PDZD2: variants seen among roughly 807,000 people sequenced by gnomAD.
The protein encoded by PDZD2 is PDZ domain-containing protein 2.
Under a neutral mutation model 220.7 loss-of-function variants are expected in PDZD2, and 90 were observed. That is an observed-to-expected ratio of 0.41 (90% CI 0.34 to 0.49). The LOEUF (loss-of-function observed/expected upper bound fraction) is 0.49. Ranked by LOEUF, PDZD2 falls within the 20% of genes least tolerant of loss-of-function variation. The pLI is 0.28. For synonymous variants in PDZD2, 1,375 were observed against 1,450.5 expected (o/e 0.95, Z 1.18); for missense variants, 3,174 against 3,608.5 (o/e 0.88, Z 3.08).
intron 2 of PDZD2, among the ~76,000 whole-genome samples, chr5:31,831,345 G>A (rs574597256): frequency 6.6e-6 from 1 of 152,256 alleles, no homozygotes; most frequent in Non-Finnish European, 1.5e-5. Context: ...GCCGGGTGCA[G>A]TGGTTCACAC....
intron 3 of PDZD2, 30 bp downstream of exon 3, chr5:31,983,686 A>C: frequency 6.3e-7 from 1 of 1,585,972 alleles, no homozygotes; most frequent in East Asian, 2.2e-5. Flanking sequence ...TGGAACCAGA[A>C]TTTTATTTAT....
chr5:32,088,079 C>G lies in PDZD2; in HGVS notation c.4631C>G (p.Thr1544Arg). The G allele has an allele frequency of 1.2e-6, 2 of 1,613,876 alleles. No individual in the cohort carries two copies. Among genetic ancestry groups the G allele is most frequent in the Non-Finnish European group, 1.7e-6 (2 of 1,179,732 alleles). ...STSLSGLGDS[T>R]EPSLSSMYGD... ...TCCCTATCAGGCCTGGGTGACAGCA[C>G]GGAGCCGTCTCTGTCATCCATGTAT... Residue 1544 changes from threonine to arginine, a missense_variant, in exon 20 of 25, where the codon ACG (threonine) becomes AGG (arginine). Physicochemically the swap from Thr to Arg is moderately conservative, Grantham distance 71. Coordinates refer to ENST00000438447, the MANE Select transcript of PDZD2 (RefSeq NM_178140.4). This position sits in a 1 kb window ranked among gnomAD's most constrained non-coding sequence, Gnocchi z 4.6.
intron 1 of PDZD2, among the ~76,000 whole-genome samples, chr5:31,778,328 C>T (rs939363840): frequency 3.9e-5 from 6 of 152,170 alleles, no homozygotes; most frequent in Non-Finnish European, 8.8e-5. Context: ...CTCGGGTCCC[C>T]TTCCACACTG....
chr5:32,021,856 G>A (rs2112141185), intron 6 of PDZD2, among the ~76,000 whole-genome samples: 1 of 152,238 alleles, frequency 6.6e-6, no homozygotes, highest in East Asian at 1.9e-4. Flanking sequence ...AAAAAAGGTG[G>A]CCTTTGTGTC....
intron 1 of PDZD2, among the ~76,000 whole-genome samples, chr5:31,671,243 T>C (rs532076445): frequency 5.3e-4 from 81 of 152,288 alleles, no homozygotes; most frequent in African/African-American, 1.9e-3. Context: ...CAAAAAGAGA[T>C]GATGATTTCA....
intron 7 of PDZD2, among the ~76,000 whole-genome samples, chr5:32,041,371 A>G: frequency 6.6e-6 from 1 of 152,128 alleles, no homozygotes; most frequent in East Asian, 1.9e-4. Context: ...AGAACGGGCC[A>G]TGATGACGAT....
At position 32,091,007 on chromosome 5, in the gene PDZD2, G is replaced by C; in HGVS notation, c.7559G>C (p.Arg2520Thr). The change falls in exon 20 of 25, where the codon AGG (arginine) becomes ACG (threonine). Residue 2520 changes from arginine to threonine, a missense_variant. Coordinates refer to ENST00000438447, the MANE Select transcript of PDZD2 (RefSeq NM_178140.4). ...FKTELEITPRRSPGPPAGGVS... is the reference protein window; with the variant it reads ...FKTELEITPRTSPGPPAGGVS... The stretch of plus-strand genomic sequence containing the variant: ...ACTGAGCTGGAGATCACCCCCAGGA[G>C]GTCACCTGGCCCTCCTGCTGGAGGC... 6.2e-7 allele frequency: 1 copy of C among 1,613,938 alleles called. No homozygotes were observed. Among genetic ancestry groups the C allele is most frequent in the Non-Finnish European group, 8.5e-7 (1 of 1,179,960 alleles).
intron 1 of PDZD2, among the ~76,000 whole-genome samples, chr5:31,731,476 C>T (rs1413835122): frequency 6.6e-6 from 1 of 152,180 alleles, no homozygotes; most frequent in Non-Finnish European, 1.5e-5. Flanking sequence ...CGGTCACTCG[C>T]TATTGGCCCC....
chr5:32,107,953 G>A lies in PDZD2; in HGVS notation c.8354-16G>A. 1.3e-6 allele frequency: 2 copies of A among 1,597,308 alleles called. No individual in the cohort carries two copies. The highest frequency in any genetic ancestry group is 1.3e-5 in the African/African-American group (1 of 74,548). On this transcript the variant is annotated splice_polypyrimidine_tract_variant and intron_variant, in intron 24 of 24. Transcript: ENST00000438447. ...AAACTGCCAAGCTATTAATTATTCTGTGTTTATTCTCGTAGGTGGTGCGGC... is the reference window on the plus strand; with the variant it reads ...AAACTGCCAAGCTATTAATTATTCTATGTTTATTCTCGTAGGTGGTGCGGC...
intron 19 of PDZD2, among the ~76,000 whole-genome samples, chr5:32,079,948 T>C (rs1204640040): frequency 6.6e-6 from 1 of 152,222 alleles, no homozygotes; most frequent in African/African-American, 2.4e-5. Flanking sequence ...GATGAGGCTG[T>C]TACTGTGGGT....
chr5:31,725,897 C>A, intron 1 of PDZD2: 1 of 726,112 alleles, frequency 1.4e-6, no homozygotes. Context: ...ACTATACAAT[C>A]TCTTCTCACA....
At position 31,995,801 on chromosome 5, in the gene PDZD2, C is replaced by T. The variant is rs534060193; in HGVS notation, c.1121+83C>T. Reference sequence around the variant, plus strand: ...CTCCCCACTGGTGCAGGTGCTCTTCCACTTGTTCAAAGCCCTGGCGATTAT... The same window carrying T: ...CTCCCCACTGGTGCAGGTGCTCTTCTACTTGTTCAAAGCCCTGGCGATTAT... On this transcript the variant is annotated intron_variant, in intron 4 of 24. Transcript: ENST00000438447. 6 of 1,276,260 alleles carry T rather than the reference C, an allele frequency of 4.7e-6. No individual in the cohort carries two copies. In the African/African-American group the frequency reaches 7.3e-5, roughly 16 times the overall value. The allele number at this position is 1,276,260 out of a possible 1,614,324, so 79.1% of individuals were successfully genotyped here.
chr5:32,089,514 T>C lies in PDZD2; in HGVS notation c.6066T>C (p.Cys2022=), dbSNP rs1742864456. The part of the protein sequence containing the change: ...GCPTTPKSPK[C]RAEGRAPRAD... ...CAACCACCCCTAAATCTCCTAAGTGTAGAGCAGAGGGCAGGGCGCCCCGTG... is the reference window on the plus strand; with the variant it reads ...CAACCACCCCTAAATCTCCTAAGTGCAGAGCAGAGGGCAGGGCGCCCCGTG... Residue 2022 remains cysteine, a synonymous_variant, in exon 20 of 25, where the codon TGT becomes TGC. Transcript: ENST00000438447. The C allele has an allele frequency of 6.2e-7, 1 of 1,612,690 alleles. No individual in the cohort carries two copies. The highest frequency in any genetic ancestry group is 1.3e-5 in the African/African-American group (1 of 74,880).
Position 31,693,654 on chromosome 5 carries a change from G to A in PDZD2, c.-361+54217G>A, listed in dbSNP as rs1026463698. Among the ~76,000 whole-genome samples the A allele has an allele frequency of 5.9e-5, 9 of 152,224 alleles. No homozygotes were observed. The East Asian group carries it at 7.7e-4, about 13-fold the overall frequency. ...AAGCCCAAAGTGTCTGTGTGCACTC[G>A]TGGCTTCCAGAGATCAGCTTGAAGC... On this transcript the variant is annotated intron_variant, in intron 1 of 24. Transcript: ENST00000438447.
chr5:31,902,423 TACTC>T (rs1742183719), intron 2 of PDZD2, among the ~76,000 whole-genome samples: 1 of 152,164 alleles, frequency 6.6e-6, no homozygotes, highest in Non-Finnish European at 1.5e-5. Context: ...TTTAGCCTGT[TACTC>T]AGTTGGATTG....
At chr5:32,093,334 AG>A (rs1743349710) in intron 21 of PDZD2, among the ~76,000 whole-genome samples, 2 of 152,322 alleles carry the variant, frequency 1.3e-5, no homozygotes, top group African/African-American at 4.8e-5. Context: ...GAGTCCTCAA[AG>A]CAGAGCTAGT....
intron 1 of PDZD2, among the ~76,000 whole-genome samples, chr5:31,727,004 G>T (rs528440385): frequency 6.6e-6 from 1 of 152,250 alleles, no homozygotes; most frequent in South Asian, 2.1e-4. Context: ...TCACATGGCA[G>T]GAGCATGCGA....
chr5:31,853,118 A>G (rs2150301017), intron 2 of PDZD2, among the ~76,000 whole-genome samples: 1 of 152,358 alleles, frequency 6.6e-6, no homozygotes, highest in African/African-American at 2.4e-5. Context: ...ACTTCCTGGC[A>G]GAAGAGTGGG....
At chr5:31,859,695 C>T (rs115470102) in intron 2 of PDZD2, among the ~76,000 whole-genome samples, 171 of 152,202 alleles carry the variant, frequency 1.1e-3, no homozygotes, top group African/African-American at 4.0e-3. Flanking sequence ...AGGCTTTCTT[C>T]AAATGTCTGA....
Sources: allele counts gnomAD v4.1 joint callset (sites outside exome capture counted in the v4.1 genomes callset), GRCh38; gene constraint gnomAD v4.1.1; non-coding constraint Gnocchi (gnomAD v3.1); transcripts MANE v1.5; gene names NCBI Gene and HGNC (gene_info 2026-07-23, HGNC 2026-07-21).